The following MLPH variants were observed in gnomAD, a reference collection of about 807,000 sequenced individuals.
MLPH encodes the protein exophilin-3.
In MLPH, 51 loss-of-function variants were observed where a neutral mutation model predicts 72.1. The ratio of observed to expected loss-of-function variants is 0.71; its 90% CI spans 0.56 to 0.89. The LOEUF is 0.89. MLPH is among the 40% of genes least tolerant of loss of function. MLPH has a pLI of 0.00. For synonymous variants in MLPH, 301 were observed against 310.1 expected, an observed-to-expected ratio of 0.97 and a Z score of 0.31; for missense variants, 743 against 759.9, an observed-to-expected ratio of 0.98 and a Z score of 0.26.
rs141390318 is a variant in MLPH at position 237,521,371 on chromosome 2, G to C, written c.675+1342G>C. On this transcript the variant is annotated intron_variant, in intron 6 of 15. Coordinates refer to ENST00000264605, the MANE Select transcript of MLPH (RefSeq NM_024101.7). The stretch of plus-strand genomic sequence containing the variant: ...GTAAGTGCAAGGCTGCTGATAACAA[G>C]GGAGGAGGAGGTGAGGGGTAGAGTC... 5.6e-3 allele frequency among the ~76,000 whole-genome samples: 854 copies of C among 152,254 alleles called. 13 individuals are homozygous for C. The highest frequency in any genetic ancestry group is 0.02 in the African/African-American group (825 of 41,526).
intron 2 of MLPH, among the ~76,000 whole-genome samples, chr2:237,494,831 T>G (rs1034071988): frequency 6.6e-6 from 1 of 152,158 alleles, no homozygotes; most frequent in African/African-American, 2.4e-5. Context: ...AAGGTGAAGC[T>G]TCATATGGTG....
At chr2:237,530,600 T>C (rs921052316) in intron 8 of MLPH, among the ~76,000 whole-genome samples, 4 of 152,186 alleles carry the variant, frequency 2.6e-5, no homozygotes, top group African/African-American at 9.6e-5. Flanking sequence ...ACCAACTTCC[T>C]TGAGGGCCCA....
chr2:237,490,890 T>G (rs1182819386), intron 1 of MLPH, among the ~76,000 whole-genome samples: 1 of 152,220 alleles, frequency 6.6e-6, no homozygotes, highest in African/African-American at 2.4e-5. Context: ...TGGGGCAATC[T>G]CTTCTTGTAT....
intron 12 of MLPH, among the ~76,000 whole-genome samples, chr2:237,543,097 G>C (rs1408754400): frequency 1.5e-4 from 12 of 78,420 alleles, no homozygotes; most frequent in Admixed American, 2.6e-4. Flanking sequence ...GGTGAGTGGG[G>C]ACAGTGGTGA....
Position 237,510,997 on chromosome 2 carries a change from A to AGATC in MLPH, c.343_346dup (p.Gly116AspfsTer9). The AGATC allele has an allele frequency of 5.0e-6, 8 of 1,613,820 alleles. No individual in the cohort carries two copies. Among genetic ancestry groups the AGATC allele is most frequent in the Non-Finnish European group, 5.9e-6 (7 of 1,179,934 alleles). ...TGTGCTTGTCCCTGCAGAGTCGTGA[A>AGATC]GATCGGCTCACTGGAGTGGTACTAT... On this transcript the variant is annotated frameshift_variant, in exon 4 of 16. Coordinates refer to ENST00000264605, the MANE Select transcript of MLPH (RefSeq NM_024101.7). LOFTEE classifies it high-confidence loss of function. The surrounding 1 kb of genome is among the most constrained non-coding windows in gnomAD (Gnocchi z 4.4).
intron 13 of MLPH, among the ~76,000 whole-genome samples, chr2:237,548,282 C>T (rs539578511): frequency 3.9e-5 from 6 of 152,318 alleles, no homozygotes; most frequent in East Asian, 1.9e-4. Context: ...CTCTGGCAGC[C>T]GCCCACAAAC....
At chr2:237,546,266 C>T in intron 12 of MLPH, 3 of 378,796 alleles carry the variant, frequency 7.9e-6, no homozygotes, top group South Asian at 2.3e-5. Context: ...AGGTGAGCCT[C>T]AGGGGGATGA....
chr2:237,501,779 G>C (rs1156560886), intron 2 of MLPH, among the ~76,000 whole-genome samples: 1 of 151,710 alleles, frequency 6.6e-6, no homozygotes, highest in East Asian at 1.9e-4. Context: ...AACCTGGGAG[G>C]CGGAGGTTGC....
In MLPH at chr2:237,549,277, A is replaced by G; in HGVS notation, c.1674A>G (p.Gln558=). ...AGTTCAGTAATTCCCTGAAAAGTCA[A>G]GGTAAGAGCCCTCTGCTCCCCCACC... ...RRKFSNSLKS[Q]GKDDDSFDRK... The change falls in exon 14 of 16, where the codon CAA becomes CAG. Residue 558 remains glutamine (Q), a splice_region_variant and synonymous_variant. Coordinates refer to ENST00000264605, the MANE Select transcript of MLPH (RefSeq NM_024101.7). The G allele has an allele frequency of 6.2e-7, 1 of 1,614,012 alleles. No homozygotes were observed. Among genetic ancestry groups the G allele is most frequent in the Non-Finnish European group, 8.5e-7 (1 of 1,179,884 alleles).
At chr2:237,522,530 G>T (rs1468441879) in intron 6 of MLPH, among the ~76,000 whole-genome samples, 3 of 140,260 alleles carry the variant, frequency 2.1e-5, no homozygotes, top group Admixed American at 1.4e-4. Context: ...TACAACTATA[G>T]TGCTGGAGCG....
chr2:237,524,829 C>T (rs983859544), intron 6 of MLPH, among the ~76,000 whole-genome samples: 2 of 152,202 alleles, frequency 1.3e-5, no homozygotes, highest in African/African-American at 4.8e-5. Context: ...CCCAGCATCC[C>T]CTGGGCACAG....
chr2:237,488,095 C>T (rs183525796), intron 1 of MLPH, among the ~76,000 whole-genome samples: 181 of 152,230 alleles, frequency 1.2e-3, no homozygotes, highest in Non-Finnish European at 2.1e-3. Context: ...GCTTAGACAC[C>T]GCGTCCCACT....
chr2:237,546,830 A>C, intron 13 of MLPH, 147 bp downstream of exon 13: 1 of 735,036 alleles, frequency 1.4e-6, no homozygotes, highest in Non-Finnish European at 2.5e-6. Flanking sequence ...CTGCCACAAC[A>C]CCGTGGCAAC....
chr2:237,500,806 G>A (rs540695985), intron 2 of MLPH, among the ~76,000 whole-genome samples: 1 of 151,874 alleles, frequency 6.6e-6, no homozygotes, highest in Non-Finnish European at 1.5e-5. Flanking sequence ...CAGTCCCGTG[G>A]CTCAACCAAT....
chr2:237,518,176 CT>C, intron 4 of MLPH: 2 of 369,408 alleles, frequency 5.4e-6, no homozygotes, highest in Middle Eastern at 9.3e-4. Flanking sequence ...GGATGAGCCA[CT>C]GATTGAGTGG....
intron 4 of MLPH, among the ~76,000 whole-genome samples, chr2:237,513,445 T>C (rs2079950477): frequency 6.6e-6 from 1 of 152,218 alleles, no homozygotes. Context: ...TCGCCTGACG[T>C]CAACACTAGG....
intron 6 of MLPH, among the ~76,000 whole-genome samples, chr2:237,524,194 TA>T (rs2080251224): frequency 6.6e-6 from 1 of 151,794 alleles, no homozygotes; most frequent in African/African-American, 2.4e-5. Context: ...GTAATAGGGC[TA>T]GTAAGGTGTC....
At chr2:237,503,463 C>CTT in intron 2 of MLPH, among the ~76,000 whole-genome samples, 1 of 152,276 alleles carries the variant, frequency 6.6e-6, no homozygotes, top group South Asian at 2.1e-4. Context: ...TCCCGACACG[C>CTT]GTTCCCAGGA....
intron 1 of MLPH, among the ~76,000 whole-genome samples, chr2:237,490,795 A>G (rs1276520802): frequency 1.3e-5 from 2 of 152,260 alleles, no homozygotes; most frequent in Non-Finnish European, 2.9e-5. Flanking sequence ...GAGAGCATCA[A>G]AAATGAGTTC....
Sources: allele counts gnomAD v4.1 joint callset (sites outside exome capture counted in the v4.1 genomes callset), GRCh38; gene constraint gnomAD v4.1.1; non-coding constraint Gnocchi (gnomAD v3.1); transcripts MANE v1.5; gene names NCBI Gene and HGNC (gene_info 2026-07-23, HGNC 2026-07-21).